Variants in ACSS3 observed in about 807,000 individuals in gnomAD.
ACSS3 encodes acyl-CoA synthetase short chain family member 3.
In ACSS3, 64 loss-of-function variants were observed where a neutral mutation model predicts 84.2. The observed-to-expected ratio is 0.76, with a 90% confidence interval of 0.62 to 0.94. The LOEUF is 0.94. Among genes scored for constraint, ACSS3 ranks in the 40% least tolerant of loss-of-function variants. The pLI is 0.00. For missense variants in ACSS3, 815 were observed against 867.6 expected (o/e 0.94, Z 0.76); for synonymous variants, 317 against 310.1 (o/e 1.02, Z -0.23).
At chr12:81,146,472 C>T (rs1886347064) in intron 5 of ACSS3, among the ~76,000 whole-genome samples, 1 of 152,144 alleles carries the variant, frequency 6.6e-6, no homozygotes. Flanking sequence ...ATGTTGTGAG[C>T]TCATAAAACT....
In ACSS3 at chr12:81,109,657, G is replaced by C; in HGVS notation, c.409G>C (p.Val137Leu). Residue 137 changes from valine (V) to leucine (L), a missense_variant, in exon 2 of 16, where the codon GTT becomes CTT. Physicochemically the swap from Val to Leu is conservative, Grantham distance 32. Transcript: ENST00000548058. The part of the protein sequence containing the change: ...DKIAIIYDSP[V>L]TNTKATFTYK... ...GATTGCTATCATCTATGACAGTCCT[G>C]TTACAAACACTAAAGCAACCTTTAC... 1.2e-6 allele frequency: 2 copies of C among 1,610,746 alleles called. No homozygotes were observed. The highest frequency in any genetic ancestry group is 1.3e-5 in the African/African-American group (1 of 74,956).
rs758501095 is a variant in ACSS3, at chr12:81,143,053, C to A, written c.781-54C>A. 2.6e-4 allele frequency: 370 copies of A among 1,436,126 alleles called. 1 individual carries two copies. The Middle Eastern group carries it at 4.5e-3, about 18-fold the overall frequency. The allele number at this position is 1,436,126 out of a possible 1,614,324, so 89.0% of individuals were successfully genotyped here. On this transcript the variant is annotated intron_variant, in intron 4 of 15. Transcript: ENST00000548058. ...TAAATAGATTTAGCTACTTTTTGTT[C>A]TCTTGATTTAATCTCCTTATTACAG...
chr12:81,122,108 T>G (rs1448916130), intron 2 of ACSS3, among the ~76,000 whole-genome samples: 1 of 151,918 alleles, frequency 6.6e-6, no homozygotes, highest in African/African-American at 2.4e-5. Flanking sequence ...AATTTTTGTA[T>G]TTTTAGTAGA....
At chr12:81,148,925 A>G (rs959023483) in intron 5 of ACSS3, among the ~76,000 whole-genome samples, 1 of 126,414 alleles carries the variant, frequency 7.9e-6, no homozygotes, top group African/African-American at 2.6e-5. Context: ...AAAAAAAATT[A>G]GCTGAGCCTG....
At chr12:81,184,713 TAA>T (rs1426365662) in intron 8 of ACSS3, among the ~76,000 whole-genome samples, 6 of 151,780 alleles carry the variant, frequency 4.0e-5, no homozygotes, top group African/African-American at 7.2e-5. Flanking sequence ...CTACCAATAT[TAA>T]GTCAATTAAA....
intron 13 of ACSS3, among the ~76,000 whole-genome samples, chr12:81,243,445 T>G (rs2033878784): frequency 6.6e-6 from 1 of 152,290 alleles, no homozygotes; most frequent in African/African-American, 2.4e-5. Flanking sequence ...CAAGGTAATT[T>G]GTAGATTCAA....
intron 11 of ACSS3, among the ~76,000 whole-genome samples, chr12:81,221,123 C>T (rs772761899): frequency 4.9e-4 from 75 of 151,792 alleles, no homozygotes; most frequent in Admixed American, 1.9e-3. Flanking sequence ...TACATCAAGA[C>T]GTGTACTTTA....
chr12:81,224,573 C>CGT (rs1565730437), intron 11 of ACSS3, among the ~76,000 whole-genome samples: 84 of 135,308 alleles, frequency 6.2e-4, no homozygotes, highest in African/African-American at 1.9e-3. Context: ...CACACACACA[C>CGT]ATGTGTGTGT....
intron 11 of ACSS3, among the ~76,000 whole-genome samples, chr12:81,222,586 T>G (rs1207696727): frequency 6.6e-6 from 1 of 152,108 alleles, no homozygotes. Context: ...TTATAGATCT[T>G]AAGACTCATT....
At chr12:81,096,658 T>TC in intron 1 of ACSS3, among the ~76,000 whole-genome samples, 1 of 151,666 alleles carries the variant, frequency 6.6e-6, no homozygotes. Flanking sequence ...TGCGTGATGT[T>TC]CCCCTCCCTG....
chr12:81,220,911 CTTGT>C (rs1426171313), intron 11 of ACSS3, among the ~76,000 whole-genome samples: 5 of 151,662 alleles, frequency 3.3e-5, no homozygotes, highest in African/African-American at 1.2e-4. Flanking sequence ...ATTTTTTCGT[CTTGT>C]TTTTCTGCTT....
intron 8 of ACSS3, among the ~76,000 whole-genome samples, chr12:81,182,197 G>T (rs959179040): frequency 6.6e-6 from 1 of 152,174 alleles, no homozygotes; most frequent in Non-Finnish European, 1.5e-5. Context: ...TAGAACATTA[G>T]CAGATTTCTC....
chr12:81,180,625 C>T (rs1451914911), intron 8 of ACSS3, among the ~76,000 whole-genome samples: 1 of 152,118 alleles, frequency 6.6e-6, no homozygotes, highest in Non-Finnish European at 1.5e-5. Flanking sequence ...AAGCGATTCT[C>T]CTGCCTCAGC....
rs199685474 is a variant in ACSS3 at position 81,193,335 on chromosome 12, A to AT, written c.1251-6000dup. On this transcript the variant is annotated intron_variant, in intron 8 of 15. Transcript: ENST00000548058. ...GACCTTGAAGGAAATATTCACTTTT[A>AT]TTTTTTATTTTTTTGCCCTCACTTT... Among the ~76,000 whole-genome samples the AT allele has an allele frequency of 4.7e-3, 714 of 152,076 alleles. 6 individuals carry two copies. The highest frequency in any genetic ancestry group is 0.013 in the African/African-American group (549 of 41,514).
intron 8 of ACSS3, among the ~76,000 whole-genome samples, chr12:81,180,565 G>T (rs144641865): frequency 1.3e-5 from 2 of 152,196 alleles, no homozygotes; most frequent in South Asian, 4.2e-4. Flanking sequence ...GCCCAGGCTG[G>T]AGTGCAGTGG....
chr12:81,150,448 G>A (rs1442896931), intron 5 of ACSS3, among the ~76,000 whole-genome samples: 2 of 152,156 alleles, frequency 1.3e-5, no homozygotes, highest in African/African-American at 2.4e-5. Context: ...GAACAAACTA[G>A]CAAAGTGCAT....
rs538010612 is a variant in ACSS3, at chr12:81,093,681, C to T, written c.311+15250C>T. Among the ~76,000 whole-genome samples, 129 of 151,782 alleles carry T rather than the reference C, an allele frequency of 8.5e-4. 1 individual carries two copies. Among genetic ancestry groups the T allele is most frequent in the African/African-American group, 2.9e-3 (122 of 41,368 alleles). On this transcript the variant is annotated intron_variant, in intron 1 of 15. Coordinates refer to ENST00000548058, the MANE Select transcript of ACSS3 (RefSeq NM_024560.4). ...CAAAGAGTTCATTTGTATCCATAATCCAGCTTCCCCCAGTAATAACATCTT... is the reference window on the plus strand; with the variant it reads ...CAAAGAGTTCATTTGTATCCATAATTCAGCTTCCCCCAGTAATAACATCTT...
chr12:81,147,446 C>T lies in ACSS3; in HGVS notation c.921+4199C>T, dbSNP rs557674210. 2.0e-5 allele frequency among the ~76,000 whole-genome samples: 3 copies of T among 152,310 alleles called. No homozygotes were observed. In the South Asian group the frequency reaches 6.2e-4, roughly 32 times the overall value. On this transcript the variant is annotated intron_variant, in intron 5 of 15. Coordinates refer to ENST00000548058, the MANE Select transcript of ACSS3 (RefSeq NM_024560.4). ...TGAAGATACAAAGATGTTGTCCTCA[C>T]TGTGCTCAAAGTGGTGGAGAAGGCA...
chr12:81,141,711 C>A (rs956081943), intron 4 of ACSS3, among the ~76,000 whole-genome samples: 26 of 152,000 alleles, frequency 1.7e-4, no homozygotes, highest in Admixed American at 7.9e-4. Flanking sequence ...TTGTATTTTG[C>A]AGTGTGATGA....
Sources: gnomAD v4.1 joint callset for allele counts (sites outside exome capture counted in the v4.1 genomes callset) on GRCh38, gnomAD v4.1.1 for gene constraint, MANE v1.5 for transcripts, NCBI Gene and HGNC (gene_info 2026-07-23, HGNC 2026-07-21) for gene names.